UGP2: variants seen among roughly 807,000 people sequenced by gnomAD.
The protein encoded by UGP2 is UTP--glucose-1-phosphate uridylyltransferase.
A neutral mutation model predicts 49.0 loss-of-function variants in UGP2; 40 were observed. The ratio of observed to expected loss-of-function variants is 0.82; its 90% CI spans 0.63 to 1.06. UGP2 has a LOEUF of 1.06. Ranked by LOEUF, UGP2 falls within the 50% of genes least tolerant of loss-of-function variation. UGP2 has a pLI of 0.00. For missense variants in UGP2, 460 were observed against 603.5 expected (o/e 0.76, Z 2.49); for synonymous variants, 225 against 213.0 (o/e 1.06, Z -0.49).
At chr2:63,887,196 C>T (rs1575857587) in intron 7 of UGP2, among the ~76,000 whole-genome samples, 1 of 151,644 alleles carries the variant, frequency 6.6e-6, no homozygotes, top group African/African-American at 2.4e-5. Context: ...CCCAGGAGGG[C>T]AGAGGCTACA....
chr2:63,845,192 A>C (rs1391353929), intron 1 of UGP2, among the ~76,000 whole-genome samples: 1 of 152,230 alleles, frequency 6.6e-6, no homozygotes, highest in Non-Finnish European at 1.5e-5. Flanking sequence ...GTACAGACTT[A>C]GATTTGAATA....
At chr2:63,856,698 GT>G (rs1167204270) in intron 2 of UGP2, 1 of 505,622 alleles carries the variant, frequency 2.0e-6, no homozygotes, top group East Asian at 5.1e-5. Context: ...TTTGTTCTGT[GT>G]TTTGATGTCA....
At chr2:63,855,448 A>G in intron 1 of UGP2, 1 of 473,912 alleles carries the variant, frequency 2.1e-6, no homozygotes, top group South Asian at 1.5e-5. Context: ...ATTACTTTCT[A>G]GATAAAGTAT....
At chr2:63,845,720 A>C (rs1671884297) in intron 1 of UGP2, among the ~76,000 whole-genome samples, 1 of 152,154 alleles carries the variant, frequency 6.6e-6, no homozygotes, top group South Asian at 2.1e-4. Flanking sequence ...TATGGTAGGC[A>C]CTGAAGTTCA....
At chr2:63,862,139 A>G (rs949912802) in intron 3 of UGP2, among the ~76,000 whole-genome samples, 2 of 152,136 alleles carry the variant, frequency 1.3e-5, no homozygotes, top group South Asian at 2.1e-4. Context: ...CCCAGCTGCA[A>G]CTAGCCAATG....
intron 8 of UGP2, chr2:63,887,934 C>T (rs1359844457): frequency 1.2e-5 from 4 of 331,708 alleles, no homozygotes; most frequent in African/African-American, 8.4e-5. Context: ...AAGGTTAATT[C>T]TGGCTTAACA....
Position 63,887,556 on chromosome 2 carries a change from A to G in UGP2, c.1226A>G (p.Tyr409Cys), listed in dbSNP as rs775575324. The change falls in exon 8 of 10, where the codon TAT becomes TGT. Residue 409 changes from tyrosine to cysteine, a missense_variant. By Grantham distance (194) the Tyr-to-Cys change is radical. Around this residue, in one of 2 missense-constraint regions of UGP2, gnomAD observed 317 missense variants for 473.0 expected, o/e 0.67. Transcript: ENST00000337130. ...CTCTTGCTGGTGATGTCAAACCTCT[A>G]TAGTCTTAATGCAGGATCTCTGACA... The part of the protein sequence containing the change: ...SDLLLVMSNL[Y>C]SLNAGSLTMS... The G allele has an allele frequency of 2.3e-5, 37 of 1,614,018 alleles. 1 individual carries two copies. Among genetic ancestry groups the G allele is most frequent in the South Asian group, 1.5e-4 (14 of 91,086 alleles).
chr2:63,871,298 C>CT (rs748350134), intron 3 of UGP2, among the ~76,000 whole-genome samples: 74 of 149,420 alleles, frequency 5.0e-4, no homozygotes, highest in African/African-American at 1.4e-3. Context: ...GGACAAAAGC[C>CT]TTTTTTTTTT....
intron 2 of UGP2, among the ~76,000 whole-genome samples, chr2:63,857,264 A>G (rs1448266986): frequency 6.6e-6 from 1 of 151,402 alleles, no homozygotes. Flanking sequence ...TTGCGCCACT[A>G]CACTCTAGCC....
chr2:63,887,885 T>C (rs1671798047), intron 8 of UGP2: 1 of 496,408 alleles, frequency 2.0e-6, no homozygotes, highest in Non-Finnish European at 3.5e-6. Flanking sequence ...TTTTATCTTC[T>C]GTCTCTTCCA....
chr2:63,857,613 C>T (rs1669533640), intron 2 of UGP2: 2 of 582,514 alleles, frequency 3.4e-6, no homozygotes, highest in African/African-American at 1.8e-5. Context: ...GATCAGCTGG[C>T]CTGAGCCTCC....
At chr2:63,866,754 A>G (rs907890406) in intron 3 of UGP2, among the ~76,000 whole-genome samples, 2 of 152,188 alleles carry the variant, frequency 1.3e-5, no homozygotes, top group African/African-American at 4.8e-5. Context: ...CCATGCTGCA[A>G]GCTCATTGTC....
At chr2:63,889,779 T>TG in intron 8 of UGP2, 1 of 222,470 alleles carries the variant, frequency 4.5e-6, no homozygotes, top group East Asian at 1.2e-4. Flanking sequence ...TCAGATTGTG[T>TG]GAACTATTCA....
At chr2:63,846,860 G>A (rs1671969639) in intron 1 of UGP2, among the ~76,000 whole-genome samples, 1 of 152,034 alleles carries the variant, frequency 6.6e-6, no homozygotes, top group South Asian at 2.1e-4. Context: ...AATGACTAGG[G>A]CATACCCCTC....
chr2:63,860,613 G>A (rs1390263961), intron 3 of UGP2, among the ~76,000 whole-genome samples: 1 of 151,650 alleles, frequency 6.6e-6, no homozygotes, highest in African/African-American at 2.4e-5. Context: ...TTTTCTTTTA[G>A]AGATGAGGTC....
chr2:63,857,317 G>C (rs1465650396), intron 2 of UGP2, among the ~76,000 whole-genome samples: 1 of 148,578 alleles, frequency 6.7e-6, no homozygotes, highest in Non-Finnish European at 1.5e-5. Flanking sequence ...AAAAAAAAAA[G>C]TACAGAGCCA....
chr2:63,853,339 T>C (rs1669163723), intron 1 of UGP2, among the ~76,000 whole-genome samples: 1 of 152,048 alleles, frequency 6.6e-6, no homozygotes, highest in African/African-American at 2.4e-5. Flanking sequence ...CAAGATAGCT[T>C]TATCTTGATT....
intron 3 of UGP2, among the ~76,000 whole-genome samples, chr2:63,876,637 T>C (rs899932653): frequency 6.6e-6 from 1 of 152,202 alleles, no homozygotes; most frequent in Non-Finnish European, 1.5e-5. Context: ...TAAAGAACCA[T>C]GGTTCCTTGA....
intron 3 of UGP2, among the ~76,000 whole-genome samples, chr2:63,879,639 A>G (rs184133583): frequency 6.6e-6 from 1 of 152,380 alleles, no homozygotes; most frequent in African/African-American, 2.4e-5. Flanking sequence ...ATAGAATGAA[A>G]GTCCGGATAC....
Sources: gnomAD v4.1 joint callset for allele counts (sites outside exome capture counted in the v4.1 genomes callset) on GRCh38, gnomAD v4.1.1 for gene constraint, gnomAD v4.1.1 regional missense constraint, MANE v1.5 for transcripts, NCBI Gene and HGNC (gene_info 2026-07-23, HGNC 2026-07-21) for gene names.